The following ST3GAL3 variants were observed in gnomAD, a reference collection of about 807,000 sequenced individuals.
The protein encoded by ST3GAL3 is CMP-N-acetylneuraminate-beta-1,4-galactoside alpha-2,3-sialyltransferase.
Under a neutral mutation model 50.1 loss-of-function variants are expected in ST3GAL3, and 21 were observed. The observed-to-expected ratio is 0.42, with a 90% CI of 0.30 to 0.60. The LOEUF (loss-of-function observed/expected upper bound fraction) is 0.60. Among genes scored for constraint, ST3GAL3 ranks in the 20% least tolerant of loss-of-function variants. The pLI, the probability that ST3GAL3 is intolerant of heterozygous loss-of-function variation, is 0.19. For missense variants in ST3GAL3, 353 were observed against 489.4 expected (o/e 0.72, Z 2.63); for synonymous variants, 183 against 190.0 (o/e 0.96, Z 0.30).
intron 4 of ST3GAL3, among the ~76,000 whole-genome samples, chr1:43,829,193 A>C (rs897912566): frequency 2.2e-4 from 33 of 151,852 alleles, no homozygotes; most frequent in African/African-American, 7.5e-4. Flanking sequence ...CTTTGAAATC[A>C]GAAAGCTCTA....
chr1:43,876,563 A>G (rs3011231), intron 5 of ST3GAL3, among the ~76,000 whole-genome samples: 137,976 of 152,254 alleles, frequency 0.91, 62,752 homozygotes, highest in African/African-American at 0.97. Context: ...GTAATGTGGA[A>G]CTGCTGAAGA....
intron 4 of ST3GAL3, 93 bp downstream of exon 4, chr1:43,815,026 G>A: frequency 1.6e-6 from 2 of 1,262,862 alleles, no homozygotes; most frequent in Non-Finnish European, 2.3e-6. Flanking sequence ...TCACTCTTCT[G>A]GTGACTGGGG....
intron 5 of ST3GAL3, among the ~76,000 whole-genome samples, chr1:43,848,184 C>G (rs1488412368): frequency 1.3e-5 from 2 of 151,902 alleles, no homozygotes; most frequent in Non-Finnish European, 2.9e-5. Context: ...TCATTCTTAC[C>G]TATATTCCTT....
rs755438273 is a variant in ST3GAL3 at position 43,838,214 on chromosome 1, C to T, written c.210-5C>T. The T allele has an allele frequency of 6.2e-7, 1 of 1,610,584 alleles. No homozygotes were observed. The highest frequency in any genetic ancestry group is 2.2e-5 in the East Asian group (1 of 44,614). ...CAAGCTGTAACTTTCCTTCTCTTCC[C>T]ATAGGCCTGCTGAATTAGCCACCAA... On this transcript the variant is annotated splice_polypyrimidine_tract_variant and splice_region_variant and intron_variant, in intron 4 of 11. Transcript: ENST00000347631.
intron 2 of ST3GAL3, among the ~76,000 whole-genome samples, chr1:43,785,348 C>G (rs533871153): frequency 3.3e-5 from 5 of 152,320 alleles, no homozygotes; most frequent in African/African-American, 1.2e-4. Flanking sequence ...CAGATCCAGC[C>G]TGGTGGCAGG....
At chr1:43,743,493 G>A in intron 2 of ST3GAL3, 1 of 418,726 alleles carries the variant, frequency 2.4e-6, no homozygotes, top group Non-Finnish European at 4.8e-6. Context: ...CTAATTTGAA[G>A]GTGGTGGGGC....
intron 4 of ST3GAL3, among the ~76,000 whole-genome samples, chr1:43,816,019 A>G (rs1251679376): frequency 6.6e-6 from 1 of 152,112 alleles, no homozygotes; most frequent in African/African-American, 2.4e-5. Context: ...TGTCCCTGCA[A>G]GCCTGCTCAC....
intron 11 of ST3GAL3, among the ~76,000 whole-genome samples, chr1:43,923,387 C>T (rs1171094046): frequency 3.9e-5 from 6 of 152,062 alleles, no homozygotes; most frequent in Non-Finnish European, 2.9e-5. Flanking sequence ...TATATTGTAT[C>T]AGGCTTTTTT....
chr1:43,847,627 G>C (rs72888718), intron 5 of ST3GAL3, among the ~76,000 whole-genome samples: 10,304 of 152,258 alleles, frequency 0.068, 378 homozygotes, highest in East Asian at 0.14. Flanking sequence ...CCATGTGCTG[G>C]GAGGAGGGAG....
intron 4 of ST3GAL3, among the ~76,000 whole-genome samples, chr1:43,825,582 G>C (rs1260722482): frequency 6.6e-6 from 1 of 152,228 alleles, no homozygotes; most frequent in Non-Finnish European, 1.5e-5. Context: ...CCTGAGGGTG[G>C]AACTTGAGAA....
chr1:43,727,059 A>G (rs1673270022), intron 1 of ST3GAL3, among the ~76,000 whole-genome samples: 1 of 152,002 alleles, frequency 6.6e-6, no homozygotes, highest in South Asian at 2.1e-4. Context: ...CTCCCCCTTT[A>G]TTAGATTCTT....
At position 43,917,475 on chromosome 1, in the gene ST3GAL3, TATATATAATATATA is replaced by T. The variant is rs1168657231; in HGVS notation, c.745-2921_745-2908del. Among the ~76,000 whole-genome samples, 23 of 79,746 alleles carry T rather than the reference TATATATAATATATA, an allele frequency of 2.9e-4. No individual in the cohort carries two copies. The East Asian group carries it at 5.0e-3, about 17-fold the overall frequency. The allele number at this position is 79,746 out of a possible 152,430, so 52.3% of individuals were successfully genotyped here. A position where few individuals can be genotyped will look rare whatever the true frequency, so the allele number is the denominator to read the frequency against. ...AATATATAATATATATAATATATAA[TATATATAATATATA>T]ATATATATAATATATTATATAATAT... is the stretch of plus-strand genomic sequence containing the variant. On this transcript the variant is annotated intron_variant, in intron 9 of 11. Coordinates refer to ENST00000347631, the MANE Select transcript of ST3GAL3 (RefSeq NM_006279.5).
intron 5 of ST3GAL3, among the ~76,000 whole-genome samples, chr1:43,853,173 G>A (rs1055782191): frequency 2.6e-5 from 4 of 152,124 alleles, no homozygotes; most frequent in Non-Finnish European, 4.4e-5. Flanking sequence ...AGGGCCACTC[G>A]GTATTGGGAG....
intron 5 of ST3GAL3, among the ~76,000 whole-genome samples, chr1:43,875,947 CTTCTTA>C (rs1234484974): frequency 0.013 from 723 of 57,232 alleles, 1 homozygote; most frequent in Admixed American, 0.028. Flanking sequence ...TCTTCTTCTT[CTTCTTA>C]TTATTATTAT....
intron 5 of ST3GAL3, among the ~76,000 whole-genome samples, chr1:43,880,699 A>G (rs1175636169): frequency 1.3e-5 from 2 of 151,544 alleles, no homozygotes; most frequent in East Asian, 3.9e-4. Context: ...TCCCTCCTCA[A>G]CCCCTGCAGT....
intron 5 of ST3GAL3, among the ~76,000 whole-genome samples, chr1:43,883,573 T>A (rs1383925240): frequency 6.6e-6 from 1 of 152,248 alleles, no homozygotes; most frequent in African/African-American, 2.4e-5. Flanking sequence ...CTTTTCCTTC[T>A]GTGCAGTATT....
At chr1:43,863,044 C>T (rs747114571) in intron 5 of ST3GAL3, among the ~76,000 whole-genome samples, 1 of 152,208 alleles carries the variant, frequency 6.6e-6, no homozygotes, top group East Asian at 1.9e-4. Context: ...GCATATCTGT[C>T]TGTTCACTCA....
At chr1:43,916,100 G>T (rs142221745) in intron 9 of ST3GAL3, among the ~76,000 whole-genome samples, 57 of 152,322 alleles carry the variant, frequency 3.7e-4, no homozygotes, top group African/African-American at 1.3e-3. Flanking sequence ...GCCTGGAGTG[G>T]TTTGGGAGAT....
intron 2 of ST3GAL3, among the ~76,000 whole-genome samples, chr1:43,746,754 G>T (rs867803259): frequency 6.8e-6 from 1 of 148,136 alleles, no homozygotes; most frequent in East Asian, 2.0e-4. Context: ...GAGCCACTGC[G>T]CCTGGCCTAG....
Sources: allele counts gnomAD v4.1 joint callset (sites outside exome capture counted in the v4.1 genomes callset), GRCh38; gene constraint gnomAD v4.1.1; transcripts MANE v1.5; gene names NCBI Gene and HGNC (gene_info 2026-07-23, HGNC 2026-07-21).